KDM4C: variants seen among roughly 807,000 people sequenced by gnomAD.
KDM4C encodes lysine-specific demethylase 4C.
A neutral mutation model predicts 129.3 loss-of-function variants in KDM4C; 81 were observed. The observed-to-expected ratio is 0.63, with a 90% CI of 0.52 to 0.75. The LOEUF is 0.75. Ranked by LOEUF, KDM4C falls within the 30% of genes least tolerant of loss-of-function variation. The pLI is 0.00. For missense variants in KDM4C, 1,457 were observed against 1,304.0 expected, an observed-to-expected ratio of 1.12 and a Z score of -1.81; for synonymous variants, 573 against 456.1, an observed-to-expected ratio of 1.26 and a Z score of -3.26.
In KDM4C at chr9:6,738,715, G is replaced by T. The variant is rs1279660345; in HGVS notation, c.49+17718G>T. Among the ~76,000 whole-genome samples the T allele has an allele frequency of 2.0e-5, 3 of 152,040 alleles. No individual in the cohort carries two copies. In the East Asian group the frequency reaches 5.8e-4, roughly 29 times the overall value. On this transcript the variant is annotated intron_variant, in intron 1 of 17. Transcript: ENST00000536108. Reference sequence around the variant, plus strand: ...CTGCTTCAGCCTCTTGGGTAGCTAGGATTACAGGGGCATGCCACCACGCCC... The same window carrying T: ...CTGCTTCAGCCTCTTGGGTAGCTAGTATTACAGGGGCATGCCACCACGCCC...
intron 17 of KDM4C, among the ~76,000 whole-genome samples, chr9:7,052,906 C>CGAGCGAGG (rs1564049883): frequency 2.1e-5 from 1 of 47,888 alleles, no homozygotes; most frequent in African/African-American, 5.5e-5. Flanking sequence ...AGAGAGCGAG[C>CGAGCGAGG]GAGTGCCCAA....
chr9:7,163,353 T>C (rs986438018), intron 19 of KDM4C, among the ~76,000 whole-genome samples: 5 of 152,320 alleles, frequency 3.3e-5, no homozygotes, highest in Middle Eastern at 3.4e-3. Flanking sequence ...CCTGTGAGTT[T>C]GCTGTAGCAC....
At chr9:6,957,632 C>G (rs1043788538) in intron 8 of KDM4C, among the ~76,000 whole-genome samples, 1 of 152,032 alleles carries the variant, frequency 6.6e-6, no homozygotes, top group Non-Finnish European at 1.5e-5. Context: ...TGTGTTGTGA[C>G]TGATATTTTC....
intron 1 of KDM4C, among the ~76,000 whole-genome samples, chr9:6,752,360 A>AAAT (rs1563928527): frequency 4.0e-5 from 6 of 149,128 alleles, no homozygotes; most frequent in African/African-American, 1.5e-4. Context: ...AAAAAAAAAA[A>AAAT]ATTAAGGAGG....
chr9:6,920,299 A>T (rs1005039679), intron 8 of KDM4C, among the ~76,000 whole-genome samples: 1 of 152,134 alleles, frequency 6.6e-6, no homozygotes, highest in African/African-American at 2.4e-5. Context: ...AAAAGAAAAT[A>T]AAAAAACAGT....
At chr9:6,970,796 C>A in intron 8 of KDM4C, among the ~76,000 whole-genome samples, 2 of 138,272 alleles carry the variant, frequency 1.4e-5, no homozygotes, top group African/African-American at 2.6e-5. Flanking sequence ...TATTCCCACC[C>A]CCCGCCCCTA....
chr9:6,998,117 G>A lies in KDM4C; in HGVS notation c.1786+7593G>A, dbSNP rs549077334. 7.2e-5 allele frequency among the ~76,000 whole-genome samples: 11 copies of A among 152,292 alleles called. No homozygotes were observed. The South Asian group carries it at 2.1e-3, about 29-fold the overall frequency. ...TTCAGCAAGTGCACTACTGTAATGA[G>A]CTGTTAAGCATCTTTTTGAAATTAA... On this transcript the variant is annotated intron_variant, in intron 12 of 21. Transcript: ENST00000381309.
chr9:6,998,665 A>T (rs144291650), intron 12 of KDM4C, among the ~76,000 whole-genome samples: 1,895 of 152,184 alleles, frequency 0.012, 17 homozygotes, highest in Non-Finnish European at 0.019. Context: ...GTGTGGTGGC[A>T]CACACCTGTA....
At chr9:7,042,294 C>G (rs2132484123) in intron 15 of KDM4C, among the ~76,000 whole-genome samples, 1 of 152,164 alleles carries the variant, frequency 6.6e-6, no homozygotes, top group Admixed American at 6.5e-5. Context: ...TGTGATATGT[C>G]ATGGCTCTCC....
chr9:6,973,457 T>C (rs777016261), intron 8 of KDM4C, among the ~76,000 whole-genome samples: 9 of 152,230 alleles, frequency 5.9e-5, no homozygotes, highest in Non-Finnish European at 1.0e-4. Context: ...CAAAGAGTTT[T>C]CACGTGGCAG....
chr9:6,954,600 T>C (rs1341519514), intron 8 of KDM4C, among the ~76,000 whole-genome samples: 1 of 152,208 alleles, frequency 6.6e-6, no homozygotes, highest in East Asian at 1.9e-4. Context: ...ATGTTAATAA[T>C]GTGCAGGTTT....
At chr9:7,075,301 C>T (rs951249933) in intron 17 of KDM4C, among the ~76,000 whole-genome samples, 2 of 152,180 alleles carry the variant, frequency 1.3e-5, no homozygotes, top group African/African-American at 2.4e-5. Flanking sequence ...TGTCCTGTTT[C>T]ATCTTCTATG....
At chr9:6,772,879 A>G (rs1363022913) in intron 1 of KDM4C, among the ~76,000 whole-genome samples, 1 of 144,348 alleles carries the variant, frequency 6.9e-6, no homozygotes, top group East Asian at 2.1e-4. Context: ...TATTTTTAGT[A>G]GAGATGGGGT....
intron 12 of KDM4C, among the ~76,000 whole-genome samples, chr9:7,008,067 G>C (rs1007938720): frequency 6.6e-6 from 1 of 152,110 alleles, no homozygotes; most frequent in African/African-American, 2.4e-5. Context: ...AAGATGCATT[G>C]AAGAGATAGG....
At chr9:6,813,281 C>G (rs1051081523) in intron 3 of KDM4C, among the ~76,000 whole-genome samples, 1 of 152,202 alleles carries the variant, frequency 6.6e-6, no homozygotes, top group Non-Finnish European at 1.5e-5. Context: ...AATGATCTTC[C>G]TGCTTTGGGC....
chr9:7,128,793 T>C (rs1023093267), intron 19 of KDM4C, among the ~76,000 whole-genome samples: 4 of 152,100 alleles, frequency 2.6e-5, no homozygotes, highest in Middle Eastern at 3.4e-3. Flanking sequence ...TGCGTGCGCG[T>C]GTGTGTGTGT....
chr9:7,087,457 G>T (rs1835261675), intron 17 of KDM4C, among the ~76,000 whole-genome samples: 1 of 151,936 alleles, frequency 6.6e-6, no homozygotes, highest in Non-Finnish European at 1.5e-5. Flanking sequence ...GTGTAGCTTT[G>T]ATCAGTTATA....
At chr9:7,164,847 G>A (rs925902083) in intron 19 of KDM4C, among the ~76,000 whole-genome samples, 2 of 152,206 alleles carry the variant, frequency 1.3e-5, no homozygotes, top group African/African-American at 2.4e-5. Flanking sequence ...AAGATCACAT[G>A]AGATGTATGC....
chr9:6,838,186 A>T (rs537860053), intron 4 of KDM4C, among the ~76,000 whole-genome samples: 2 of 152,126 alleles, frequency 1.3e-5, no homozygotes, highest in East Asian at 3.9e-4. Context: ...TGTCTTAGCA[A>T]TTCCGTCTTT....
Sources: allele counts gnomAD v4.1 joint callset (sites outside exome capture counted in the v4.1 genomes callset), GRCh38; gene constraint gnomAD v4.1.1; transcripts MANE v1.5; gene names NCBI Gene and HGNC (gene_info 2026-07-23, HGNC 2026-07-21).